The following CRY1 variants were observed in gnomAD, a reference collection of about 807,000 sequenced individuals.
CRY1 encodes cryptochrome circadian regulator 1.
Under a neutral mutation model 76.0 loss-of-function variants are expected in CRY1, and 45 were observed. The ratio of observed to expected loss-of-function variants is 0.59; its 90% CI spans 0.47 to 0.76. The LOEUF (loss-of-function observed/expected upper bound fraction) is 0.76. CRY1 is among the 30% of genes least tolerant of loss of function. The probability of loss-of-function intolerance (pLI) is 0.00; values close to 1 mark genes in which losing one functional copy is unlikely to be tolerated. For synonymous variants in CRY1, 248 were observed against 244.0 expected, an observed-to-expected ratio of 1.02 and a Z score of -0.15; for missense variants, 587 against 716.4, an observed-to-expected ratio of 0.82 and a Z score of 2.06.
intron 1 of CRY1, among the ~76,000 whole-genome samples, chr12:107,054,408 G>C (rs1325559765): frequency 6.6e-6 from 1 of 150,964 alleles, no homozygotes; most frequent in Non-Finnish European, 1.5e-5. Context: ...AATAAATCTA[G>C]TTATTAGAAA....
intron 2 of CRY1, among the ~76,000 whole-genome samples, chr12:107,009,389 A>G (rs894296248): frequency 6.6e-6 from 1 of 151,526 alleles, no homozygotes; most frequent in African/African-American, 2.4e-5. Context: ...AGATACAACA[A>G]TTAGCCAGAC....
At chr12:107,073,153 G>C (rs1440047184) in intron 1 of CRY1, 1 of 152,112 alleles carries the variant, frequency 6.6e-6, no homozygotes, top group African/African-American at 2.4e-5. Context: ...AAGGGGCATT[G>C]AGGCTTATCG....
rs1364608617 is a variant in CRY1, at chr12:107,074,758, T to C, written c.158+18046A>G. Among the ~76,000 whole-genome samples the C allele has an allele frequency of 2.6e-5, 4 of 152,372 alleles. No individual in the cohort carries two copies. The East Asian group carries it at 7.7e-4, about 29-fold the overall frequency. On this transcript the variant is annotated intron_variant, in intron 1 of 12. Transcript: ENST00000008527. ...AGCTGGGCTCGATGGCTCACGCCTG[T>C]AATCCCAGCACCTTGGGAGGCTGAG...
chr12:107,072,529 C>CAGA (rs1380652604), intron 1 of CRY1, among the ~76,000 whole-genome samples: 4 of 152,290 alleles, frequency 2.6e-5, no homozygotes, highest in Middle Eastern at 3.4e-3. Flanking sequence ...TTATGGAACA[C>CAGA]AGAAGTCCTA....
chr12:107,041,305 T>C (rs1384157506), intron 1 of CRY1, among the ~76,000 whole-genome samples: 1 of 152,194 alleles, frequency 6.6e-6, no homozygotes, highest in African/African-American at 2.4e-5. Flanking sequence ...ATCATTGATG[T>C]CCCCAATGTT....
chr12:107,023,398 G>C (rs961685120), intron 1 of CRY1, among the ~76,000 whole-genome samples: 4 of 152,290 alleles, frequency 2.6e-5, no homozygotes, highest in South Asian at 2.1e-4. Context: ...TGTATAGCTG[G>C]TGGCTGGCTA....
intron 1 of CRY1, among the ~76,000 whole-genome samples, chr12:107,084,266 A>C (rs1953365727): frequency 1.3e-5 from 2 of 152,138 alleles, no homozygotes; most frequent in African/African-American, 2.4e-5. Flanking sequence ...CAAAGTAATT[A>C]ATAGATTCAA....
chr12:107,088,627 G>T (rs556740222), intron 1 of CRY1, among the ~76,000 whole-genome samples: 12 of 152,302 alleles, frequency 7.9e-5, no homozygotes, highest in Non-Finnish European at 1.8e-4. Flanking sequence ...AAAACTGTGA[G>T]AAATAAATTC....
intron 2 of CRY1, among the ~76,000 whole-genome samples, chr12:107,009,555 C>CAAACAA (rs1555275522): frequency 5.3e-4 from 17 of 32,166 alleles, no homozygotes; most frequent in Non-Finnish European, 1.1e-3. Flanking sequence ...AACAAAAAAA[C>CAAACAA]AAAAAAACAT....
chr12:107,088,726 G>A (rs955693254), intron 1 of CRY1, among the ~76,000 whole-genome samples: 9 of 152,220 alleles, frequency 5.9e-5, no homozygotes, highest in African/African-American at 2.2e-4. Context: ...ATTCACAAAT[G>A]AGGGCAGCAA....
chr12:107,011,696 G>A (rs1409346985), intron 2 of CRY1, among the ~76,000 whole-genome samples: 1 of 152,198 alleles, frequency 6.6e-6, no homozygotes, highest in Non-Finnish European at 1.5e-5. Context: ...TGGTTCATAA[G>A]GTTTAAGCAA....
At chr12:107,048,207 A>G (rs1952872102) in intron 1 of CRY1, among the ~76,000 whole-genome samples, 1 of 151,790 alleles carries the variant, frequency 6.6e-6, no homozygotes. Flanking sequence ...CAGACTTCTG[A>G]GTAGCTGGGA....
At chr12:107,062,509 G>A (rs904397025) in intron 1 of CRY1, among the ~76,000 whole-genome samples, 4 of 151,942 alleles carry the variant, frequency 2.6e-5, no homozygotes, top group East Asian at 1.9e-4. Flanking sequence ...CTGTGTCAGC[G>A]CTGACATAAT....
At chr12:106,999,503 T>C in intron 7 of CRY1, 48 bp downstream of exon 7, 1 of 1,503,970 alleles carries the variant, frequency 6.6e-7, no homozygotes, top group Non-Finnish European at 9.0e-7. Flanking sequence ...TTTATTAAGG[T>C]AAGGATTCCT....
At chr12:107,086,988 AAAAGAAAGAAAC>A (rs1398285388) in intron 1 of CRY1, among the ~76,000 whole-genome samples, 2 of 152,226 alleles carry the variant, frequency 1.3e-5, no homozygotes, top group African/African-American at 2.4e-5. Context: ...AAGAAAAAGA[AAAAGAAAGAAAC>A]AAAGAAAGAA....
At chr12:107,063,799 T>C (rs1276275319) in intron 1 of CRY1, among the ~76,000 whole-genome samples, 1 of 152,128 alleles carries the variant, frequency 6.6e-6, no homozygotes, top group Non-Finnish European at 1.5e-5. Flanking sequence ...GGTTTTGCCA[T>C]GTTGGCCAGG....
chr12:107,042,708 A>AT (rs1448686847), intron 1 of CRY1, among the ~76,000 whole-genome samples: 7 of 152,168 alleles, frequency 4.6e-5, no homozygotes, highest in Non-Finnish European at 1.0e-4. Context: ...GCTAAGGGAG[A>AT]ACACTGGGGT....
intron 1 of CRY1, among the ~76,000 whole-genome samples, chr12:107,039,015 T>C (rs1289467440): frequency 1.3e-5 from 2 of 152,046 alleles, no homozygotes; most frequent in Non-Finnish European, 2.9e-5. Context: ...TCCCAGCTAC[T>C]CGGGAAGGCT....
At chr12:107,000,214 CAT>C (rs1952290957) in intron 5 of CRY1, 132 bp from the exon 6 acceptor site, 1 of 888,120 alleles carries the variant, frequency 1.1e-6, no homozygotes, top group South Asian at 2.4e-5. Context: ...CCACAAATTA[CAT>C]GTTTTAATAA....
Sources: allele counts gnomAD v4.1 joint callset (sites outside exome capture counted in the v4.1 genomes callset), GRCh38; gene constraint gnomAD v4.1.1; transcripts MANE v1.5; gene names NCBI Gene and HGNC (gene_info 2026-07-23, HGNC 2026-07-21).